Variants in ANKFY1 observed in about 807,000 individuals in gnomAD.
ANKFY1 encodes the protein ankyrin repeat and FYVE domain-containing protein 1.
A neutral mutation model predicts 128.3 loss-of-function variants in ANKFY1; 47 were observed. The observed-to-expected ratio is 0.37, with a 90% confidence interval of 0.29 to 0.47. The LOEUF (loss-of-function observed/expected upper bound fraction) is 0.47. Ranked by LOEUF, ANKFY1 falls within the 20% of genes least tolerant of loss-of-function variation. ANKFY1 has a pLI of 1.00. For synonymous variants in ANKFY1, 553 were observed against 601.6 expected, an observed-to-expected ratio of 0.92 and a Z score of 1.18; for missense variants, 1,222 against 1,510.6, an observed-to-expected ratio of 0.81 and a Z score of 3.17.
chr17:4,254,525 C>T (rs8075885), intron 1 of ANKFY1, among the ~76,000 whole-genome samples: 3,629 of 152,198 alleles, frequency 0.024, 143 homozygotes, highest in African/African-American at 0.083. Flanking sequence ...TAGGGCCCTA[C>T]TGAGACCTTG....
chr17:4,185,095 T>C (rs761565463), intron 11 of ANKFY1, 49 bp from the exon 12 acceptor site: 1 of 1,549,846 alleles, frequency 6.5e-7, no homozygotes, highest in South Asian at 1.1e-5. Flanking sequence ...GGAATTCCCT[T>C]CACAAAGAGC....
At chr17:4,194,895 A>C in intron 10 of ANKFY1, 83 bp downstream of exon 10, 1 of 1,334,296 alleles carries the variant, frequency 7.5e-7, no homozygotes, top group Non-Finnish European at 1.1e-6. Context: ...TTCAGTTTCT[A>C]AATTTGGGGT....
chr17:4,263,899 G>A lies in ANKFY1; in HGVS notation c.10+33C>T, dbSNP rs1420383870. 3.7e-6 allele frequency: 6 copies of A among 1,613,788 alleles called. No individual in the cohort carries two copies. The South Asian group carries it at 6.6e-5, about 18-fold the overall frequency. On this transcript the variant is annotated intron_variant, in intron 1 of 24. Transcript: ENST00000341657. Reference sequence around the variant, plus strand: ...GCCAGCAGCGCCCCCACAGCTCCGTGTCTTCCCGCGCGGCTCCACAAAAAA... The same window carrying A: ...GCCAGCAGCGCCCCCACAGCTCCGTATCTTCCCGCGCGGCTCCACAAAAAA...
rs2060218100 is a variant in ANKFY1, at chr17:4,216,180, CAGCAA to C, written c.458+798_458+802del. Among the ~76,000 whole-genome samples, 9 of 152,340 alleles carry C rather than the reference CAGCAA, an allele frequency of 5.9e-5. No individual in the cohort carries two copies. The South Asian group carries it at 1.9e-3, about 32-fold the overall frequency. ...GACGAAAACAGCAAGCAGCTCTAGG[CAGCAA>C]AGTCTCTCTAGGGAAAACACAGCAA... On this transcript the variant is annotated intron_variant, in intron 4 of 24. Transcript: ENST00000341657.
intron 10 of ANKFY1, 67 bp from the exon 11 acceptor site, chr17:4,189,546 C>G: frequency 7.5e-7 from 1 of 1,327,932 alleles, no homozygotes; most frequent in East Asian, 2.5e-5. Flanking sequence ...GCACAACACC[C>G]TGCTCTTCCC....
intron 10 of ANKFY1, chr17:4,191,434 T>C (rs1179426053): frequency 6.6e-6 from 1 of 151,826 alleles, no homozygotes; most frequent in Non-Finnish European, 1.5e-5. Context: ...TGGAGATGCC[T>C]AGTTGATGGT....
chr17:4,263,619 G>C, intron 1 of ANKFY1: 2 of 1,534,934 alleles, frequency 1.3e-6, no homozygotes, highest in South Asian at 1.2e-5. Flanking sequence ...CGGCACCGCC[G>C]GCAATCAAGA....
intron 9 of ANKFY1, 31 bp from the exon 10 acceptor site, chr17:4,195,208 T>A (rs546997397): frequency 1.3e-6 from 2 of 1,572,966 alleles, no homozygotes; most frequent in South Asian, 2.3e-5. Flanking sequence ...CAACAGCACA[T>A]ACAATCTTTT....
chr17:4,169,123 T>C lies in ANKFY1; in HGVS notation c.3377+75A>G. On this transcript the variant is annotated intron_variant, in intron 24 of 24. Transcript: ENST00000341657. This position sits in a 1 kb window ranked among gnomAD's most constrained non-coding sequence, Gnocchi z 5.0. ...GCAGGACCCAGGCAAGTTCACGGCC[T>C]GTCCTGGAGAAGGGGGGAAGCAATG... 7.2e-7 allele frequency: 1 copy of C among 1,397,782 alleles called. No individual in the cohort carries two copies. Among genetic ancestry groups the C allele is most frequent in the Admixed American group, 2.0e-5 (1 of 50,242 alleles). The allele number at this position is 1,397,782 out of a possible 1,614,324, so 86.6% of individuals were successfully genotyped here. A position where few individuals can be genotyped will look rare whatever the true frequency, so the allele number is the denominator to read the frequency against.
In ANKFY1 at chr17:4,200,306, C is replaced by T. The variant is rs140380693; in HGVS notation, c.899-2729G>A. On this transcript the variant is annotated intron_variant, in intron 7 of 24. Transcript: ENST00000341657. ...CTTGAACTCCTGGGCTCAAGCAATC[C>T]GCCCACCTCAGCCTCCCAAAGTGTT... is the stretch of plus-strand genomic sequence containing the variant. 5.0e-3 allele frequency among the ~76,000 whole-genome samples: 759 copies of T among 152,212 alleles called. 5 individuals are homozygous for T. Among genetic ancestry groups the T allele is most frequent in the African/African-American group, 0.018 (735 of 41,544 alleles).
chr17:4,232,354 T>C (rs919000168), intron 3 of ANKFY1, among the ~76,000 whole-genome samples: 1 of 152,166 alleles, frequency 6.6e-6, no homozygotes, highest in African/African-American at 2.4e-5. Context: ...GTTTAGGCAA[T>C]GAGCAGGACT....
intron 1 of ANKFY1, among the ~76,000 whole-genome samples, chr17:4,243,041 ATC>A (rs767337803): frequency 1.3e-5 from 2 of 151,976 alleles, no homozygotes; most frequent in African/African-American, 4.8e-5. Flanking sequence ...CCCTCATTTA[ATC>A]TCTCTCTCTT....
chr17:4,219,888 C>T (rs996683663), intron 3 of ANKFY1, among the ~76,000 whole-genome samples: 2 of 152,206 alleles, frequency 1.3e-5, no homozygotes, highest in South Asian at 4.2e-4. Context: ...GTGGCGCGAT[C>T]TGAGCTCACT....
chr17:4,206,292 T>C (rs1450894561), intron 7 of ANKFY1, 29 bp downstream of exon 7: 1 of 1,592,192 alleles, frequency 6.3e-7, no homozygotes, highest in East Asian at 2.3e-5. Context: ...TAAAATTGCC[T>C]GCAGGGAAAC....
At chr17:4,173,078 G>C (rs1469741707) in intron 21 of ANKFY1, among the ~76,000 whole-genome samples, 1 of 152,212 alleles carries the variant, frequency 6.6e-6, no homozygotes, top group East Asian at 1.9e-4. Context: ...GGACGGTCTC[G>C]ATCTCCTGAC....
rs544670715 is a variant in ANKFY1 at position 4,202,839 on chromosome 17, C to A, written c.898+3482G>T. Among the ~76,000 whole-genome samples, 13 of 151,010 alleles carry A rather than the reference C, an allele frequency of 8.6e-5. No individual in the cohort carries two copies. In the South Asian group the frequency reaches 2.7e-3, roughly 31 times the overall value. The stretch of plus-strand genomic sequence containing the variant: ...CAGGTATATGAAAACCTATGAATGA[C>A]TGGATTCAGATGGATAGCATGATAA... On this transcript the variant is annotated intron_variant, in intron 7 of 24. Transcript: ENST00000341657.
At chr17:4,249,353 A>C (rs770099937) in intron 1 of ANKFY1, among the ~76,000 whole-genome samples, 4 of 152,234 alleles carry the variant, frequency 2.6e-5, no homozygotes, top group Non-Finnish European at 5.9e-5. Flanking sequence ...TTTTCACATC[A>C]TGATACATTG....
intron 18 of ANKFY1, 77 bp from the exon 19 acceptor site, chr17:4,177,379 G>T: frequency 7.5e-7 from 1 of 1,333,332 alleles, no homozygotes; most frequent in South Asian, 1.6e-5. Context: ...AAGCTGAACT[G>T]ACCACTGGAG....
intron 5 of ANKFY1, among the ~76,000 whole-genome samples, chr17:4,209,558 C>T (rs1405995063): frequency 6.6e-6 from 1 of 152,192 alleles, no homozygotes; most frequent in African/African-American, 2.4e-5. Flanking sequence ...GCCTGGGCCT[C>T]CCAAAGTGCT....
Sources: allele counts gnomAD v4.1 joint callset (sites outside exome capture counted in the v4.1 genomes callset), GRCh38; gene constraint gnomAD v4.1.1; non-coding constraint Gnocchi (gnomAD v3.1); transcripts MANE v1.5; gene names NCBI Gene and HGNC (gene_info 2026-07-23, HGNC 2026-07-21).